Variants in SGCZ observed in about 807,000 individuals in gnomAD.
SGCZ encodes the protein zeta-sarcoglycan.
A neutral mutation model predicts 41.3 loss-of-function variants in SGCZ; 40 were observed. The ratio of observed to expected loss-of-function variants is 0.97; its 90% CI spans 0.75 to 1.26. SGCZ has a LOEUF of 1.26. Ranked by LOEUF, SGCZ falls within the 50% of genes most tolerant of loss-of-function variation. The pLI, the probability that SGCZ is intolerant of heterozygous loss-of-function variation, is 0.00. For missense variants in SGCZ, 552 were observed against 369.8 expected (o/e 1.49, Z -4.04); for synonymous variants, 206 against 137.5 (o/e 1.50, Z -3.49).
At position 14,493,359 on chromosome 8, in the gene SGCZ, CTTTTTTT is replaced by C. The variant is rs57898016; in HGVS notation, c.234+61366_234+61372del. On this transcript the variant is annotated intron_variant, in intron 2 of 7. Transcript: ENST00000382080. Reference sequence around the variant, plus strand: ...CATACTTTTCCCACTATCATCCTTTCTTTTTTTTTTTTTTTTTTTTTTTTTTTTGATG... The same window carrying C: ...CATACTTTTCCCACTATCATCCTTTCTTTTTTTTTTTTTTTTTTTTTGATG... 6.3e-4 allele frequency among the ~76,000 whole-genome samples: 28 copies of C among 44,276 alleles called. No individual in the cohort carries two copies. In the East Asian group the frequency reaches 6.7e-3, roughly 11 times the overall value. 29.0% of individuals were successfully genotyped at this position (44,276 alleles called of 152,430 possible). A position where few individuals can be genotyped will look rare whatever the true frequency, so the allele number is the denominator to read the frequency against.
At chr8:14,696,459 T>A (rs1055957898) in intron 1 of SGCZ, among the ~76,000 whole-genome samples, 1 of 152,128 alleles carries the variant, frequency 6.6e-6, no homozygotes, top group Admixed American at 6.6e-5. Flanking sequence ...AAGCCTGTTC[T>A]TACACATCCA....
At chr8:14,816,885 T>C (rs1022863036) in intron 1 of SGCZ, among the ~76,000 whole-genome samples, 1 of 152,246 alleles carries the variant, frequency 6.6e-6, no homozygotes, top group Non-Finnish European at 1.5e-5. Context: ...ATATTTTCCA[T>C]GTCTGCACTT....
At chr8:14,467,772 C>G (rs535263504) in intron 2 of SGCZ, among the ~76,000 whole-genome samples, 1 of 152,074 alleles carries the variant, frequency 6.6e-6, no homozygotes, top group East Asian at 1.9e-4. Flanking sequence ...TATAACACTC[C>G]TAGAGCAAGT....
At chr8:14,856,435 C>CAAA (rs201314428) in intron 1 of SGCZ, among the ~76,000 whole-genome samples, 1,940 of 152,264 alleles carry the variant, frequency 0.013, 30 homozygotes, top group Middle Eastern at 0.068. Context: ...AGCACTATCA[C>CAAA]ATATTCAAAC....
chr8:14,343,258 C>A (rs756870302), intron 2 of SGCZ, among the ~76,000 whole-genome samples: 1 of 152,210 alleles, frequency 6.6e-6, no homozygotes, highest in African/African-American at 2.4e-5. Context: ...AGCCCCCACA[C>A]AGAGTTCCTA....
At chr8:14,983,274 C>A (rs1412572936) in intron 1 of SGCZ, among the ~76,000 whole-genome samples, 1 of 151,728 alleles carries the variant, frequency 6.6e-6, no homozygotes, top group Non-Finnish European at 1.5e-5. Flanking sequence ...CAGCCTCCAA[C>A]TGCAGGTTGA....
In SGCZ at chr8:14,177,407, G is replaced by C. The variant is rs372703339; in HGVS notation, c.425-12705C>G. On this transcript the variant is annotated intron_variant, in intron 4 of 7. Transcript: ENST00000382080. ...TTCTTGTGAACATAATTTAACTGAT[G>C]AGCAAGTTACAACAACAACAAATCA... Among the ~76,000 whole-genome samples the C allele has an allele frequency of 4.4e-4, 67 of 152,302 alleles. 1 individual carries two copies. In the South Asian group the frequency reaches 0.013, roughly 30 times the overall value.
intron 1 of SGCZ, among the ~76,000 whole-genome samples, chr8:14,927,325 G>T (rs1021790917): frequency 6.6e-6 from 1 of 151,694 alleles, no homozygotes. Flanking sequence ...TAGCCAGGAT[G>T]GTGTCGATTT....
At chr8:15,033,540 G>A (rs990719979) in intron 1 of SGCZ, among the ~76,000 whole-genome samples, 49 of 152,074 alleles carry the variant, frequency 3.2e-4, no homozygotes, top group Non-Finnish European at 3.2e-4. Context: ...CACCACTAGA[G>A]AATGAAGTTC....
intron 2 of SGCZ, among the ~76,000 whole-genome samples, chr8:14,465,606 A>T (rs1474465529): frequency 6.7e-6 from 1 of 150,158 alleles, no homozygotes; most frequent in Admixed American, 6.7e-5. Flanking sequence ...TTTTATGTTG[A>T]TTTTCTGAAG....
chr8:14,223,415 T>C (rs925041707), intron 4 of SGCZ, among the ~76,000 whole-genome samples: 1 of 152,320 alleles, frequency 6.6e-6, no homozygotes, highest in East Asian at 1.9e-4. Flanking sequence ...ACATATACTA[T>C]AGAGTTCAGA....
chr8:14,504,569 G>A (rs775655694), intron 2 of SGCZ, among the ~76,000 whole-genome samples: 16 of 151,892 alleles, frequency 1.1e-4, no homozygotes, highest in African/African-American at 2.2e-4. Flanking sequence ...TTTCTTCTGC[G>A]TTATTGCCTT....
intron 2 of SGCZ, among the ~76,000 whole-genome samples, chr8:14,328,654 C>A (rs192226413): frequency 1.4e-3 from 212 of 152,210 alleles, no homozygotes; most frequent in Non-Finnish European, 1.6e-3. Context: ...CTTTGAACTT[C>A]AGTATAATCT....
intron 2 of SGCZ, among the ~76,000 whole-genome samples, chr8:14,344,994 A>C (rs2117088861): frequency 6.6e-6 from 1 of 152,280 alleles, no homozygotes; most frequent in Admixed American, 6.5e-5. Flanking sequence ...CACTGGCAAA[A>C]TAAAAGCATA....
intron 1 of SGCZ, among the ~76,000 whole-genome samples, chr8:15,209,801 T>C (rs1801183618): frequency 1.3e-5 from 2 of 152,120 alleles, no homozygotes; most frequent in Non-Finnish European, 2.9e-5. Flanking sequence ...TTTTTTATAC[T>C]CTAGCGTAGG....
intron 1 of SGCZ, among the ~76,000 whole-genome samples, chr8:15,141,345 A>C (rs989913202): frequency 6.6e-6 from 1 of 152,208 alleles, no homozygotes; most frequent in Non-Finnish European, 1.5e-5. Flanking sequence ...CAGTATTTCA[A>C]TGAGTCATGT....
chr8:14,833,649 C>A (rs569438929), intron 1 of SGCZ, among the ~76,000 whole-genome samples: 1 of 152,214 alleles, frequency 6.6e-6, no homozygotes, highest in East Asian at 1.9e-4. Context: ...AATGTGCTTG[C>A]AGATGGGGAC....
In SGCZ at chr8:14,370,421, G is replaced by A. The variant is rs943641359; in HGVS notation, c.235-46217C>T. Among the ~76,000 whole-genome samples the A allele has an allele frequency of 7.9e-5, 12 of 151,630 alleles. No homozygotes were observed. In the South Asian group the frequency reaches 1.9e-3, roughly 24 times the overall value. Reference sequence around the variant, plus strand: ...TCAGATACTATGCCAAGCACAACACGGTAATTTATTTATTTCAAGTTTCTG... The same window carrying A: ...TCAGATACTATGCCAAGCACAACACAGTAATTTATTTATTTCAAGTTTCTG... On this transcript the variant is annotated intron_variant, in intron 2 of 7. Transcript: ENST00000382080.
chr8:15,210,180 C>T (rs985169221), intron 1 of SGCZ, among the ~76,000 whole-genome samples: 3 of 152,130 alleles, frequency 2.0e-5, no homozygotes, highest in Admixed American at 6.5e-5. Flanking sequence ...TAGAATCCTA[C>T]CATCATCGAG....
Sources: allele counts gnomAD v4.1 joint callset (sites outside exome capture counted in the v4.1 genomes callset), GRCh38; gene constraint gnomAD v4.1.1; transcripts MANE v1.5; gene names NCBI Gene and HGNC (gene_info 2026-07-23, HGNC 2026-07-21).